PPP2R3A: variants seen among roughly 807,000 people sequenced by gnomAD.
PPP2R3A encodes the protein protein phosphatase 2 regulatory subunit B''alpha, also known as serine/threonine-protein phosphatase 2A regulatory subunit B'' subunit alpha.
A neutral mutation model predicts 106.9 loss-of-function variants in PPP2R3A; 80 were observed. The observed-to-expected ratio is 0.75, with a 90% CI of 0.62 to 0.90. The LOEUF (loss-of-function observed/expected upper bound fraction) is 0.90, where lower values mean the gene tolerates loss of function less well. PPP2R3A is among the 40% of genes least tolerant of loss of function. The probability of loss-of-function intolerance (pLI) is 0.00; values close to 1 mark genes in which losing one functional copy is unlikely to be tolerated. For missense variants in PPP2R3A, 1,386 were observed against 1,350.4 expected, an observed-to-expected ratio of 1.03 and a Z score of -0.41; for synonymous variants, 483 against 468.3, an observed-to-expected ratio of 1.03 and a Z score of -0.41.
At chr3:135,996,529 A>G (rs1445101128) in intron 1 of PPP2R3A, among the ~76,000 whole-genome samples, 1 of 152,252 alleles carries the variant, frequency 6.6e-6, no homozygotes, top group Non-Finnish European at 1.5e-5. Flanking sequence ...GTTAAAGCTT[A>G]TTGCACAAAC....
chr3:136,145,029 CT>C lies in PPP2R3A; in HGVS notation c.3330-11del, dbSNP rs1559946398. 5.6e-6 allele frequency: 9 copies of C among 1,602,914 alleles called. No individual in the cohort carries two copies. In the African/African-American group the frequency reaches 1.1e-4, roughly 19 times the overall value. The stretch of plus-strand genomic sequence containing the variant: ...CAATCAATCAGTTAATTCACTTTTG[CT>C]TTGTTATTTCAGCTTTGAAGATTAT... On this transcript the variant is annotated splice_polypyrimidine_tract_variant and intron_variant, in intron 13 of 13. Coordinates refer to ENST00000264977, the MANE Select transcript of PPP2R3A (RefSeq NM_002718.5).
intron 5 of PPP2R3A, among the ~76,000 whole-genome samples, chr3:136,053,391 A>G (rs1409529139): frequency 1.3e-5 from 2 of 152,196 alleles, no homozygotes; most frequent in Non-Finnish European, 1.5e-5. Flanking sequence ...AAGTGACCAG[A>G]AGTAGGCTAA....
In PPP2R3A at chr3:136,103,367, G is replaced by A. The variant is rs755207842; in HGVS notation, c.3213G>A (p.Ala1071=). The A allele has an allele frequency of 4.1e-5, 65 of 1,581,520 alleles. 1 individual carries two copies. Among genetic ancestry groups the A allele is most frequent in the South Asian group, 2.4e-4 (21 of 89,234 alleles). ...YLDHEQRDPF[A]VQKDVENDGP... is the part of the protein sequence containing the mutation. ...ACCATGAACAGAGAGATCCCTTTGCGGTCCAGAAGGTAACAGTATAATTTT... is the reference window on the plus strand; with the variant it reads ...ACCATGAACAGAGAGATCCCTTTGCAGTCCAGAAGGTAACAGTATAATTTT... Residue 1071 remains alanine (A), a synonymous_variant, in exon 12 of 14, where the codon GCG becomes GCA. Transcript: ENST00000264977.
At chr3:136,108,775 C>T (rs1937554315) in intron 13 of PPP2R3A, among the ~76,000 whole-genome samples, 1 of 151,830 alleles carries the variant, frequency 6.6e-6, no homozygotes, top group South Asian at 2.1e-4. Flanking sequence ...CAGCATGCCT[C>T]AGTAAAATTG....
chr3:135,990,817 T>G (rs1205146833), intron 1 of PPP2R3A, among the ~76,000 whole-genome samples: 10 of 152,050 alleles, frequency 6.6e-5, no homozygotes, highest in Admixed American at 6.6e-4. Flanking sequence ...TCCTCAAGTC[T>G]GCCCTCCACA....
intron 5 of PPP2R3A, among the ~76,000 whole-genome samples, chr3:136,062,840 A>T (rs1376622934): frequency 2.0e-5 from 3 of 152,128 alleles, no homozygotes; most frequent in Non-Finnish European, 4.4e-5. Flanking sequence ...AAATGGCCAT[A>T]TTGCCCATGG....
chr3:136,005,972 A>C (rs776686403), intron 2 of PPP2R3A, among the ~76,000 whole-genome samples: 9 of 152,188 alleles, frequency 5.9e-5, no homozygotes, highest in Non-Finnish European at 1.2e-4. Context: ...AAAAGGAGAC[A>C]AATTCTCTAA....
At chr3:135,985,373 T>A (rs1937596036) in intron 1 of PPP2R3A, among the ~76,000 whole-genome samples, 1 of 123,244 alleles carries the variant, frequency 8.1e-6, no homozygotes, top group South Asian at 3.0e-4. Context: ...CCTCTCTCCC[T>A]TCCTCTCTCC....
intron 3 of PPP2R3A, among the ~76,000 whole-genome samples, chr3:136,032,458 C>T (rs1449004117): frequency 1.3e-5 from 2 of 150,352 alleles, no homozygotes; most frequent in African/African-American, 4.9e-5. Flanking sequence ...TCTGGGTAAA[C>T]GATCATATCA....
intron 5 of PPP2R3A, among the ~76,000 whole-genome samples, chr3:136,058,676 G>A (rs12632791): frequency 0.37 from 55,706 of 151,882 alleles, 11,792 homozygotes; most frequent in African/African-American, 0.59. Context: ...AATATGGAAC[G>A]AAAAAAGAGC....
At chr3:136,137,577 T>A (rs1938675341) in intron 13 of PPP2R3A, among the ~76,000 whole-genome samples, 1 of 128,336 alleles carries the variant, frequency 7.8e-6, no homozygotes, top group Non-Finnish European at 1.6e-5. Context: ...AGGCTCGCTC[T>A]GTCGCCTAGG....
At chr3:135,991,555 A>G (rs1185215070) in intron 1 of PPP2R3A, among the ~76,000 whole-genome samples, 1 of 147,708 alleles carries the variant, frequency 6.8e-6, no homozygotes, top group African/African-American at 2.7e-5. Context: ...TGCATTAAAT[A>G]TTAATAGCCT....
chr3:136,062,700 A>G (rs904322587), intron 5 of PPP2R3A, among the ~76,000 whole-genome samples: 1 of 145,042 alleles, frequency 6.9e-6, no homozygotes, highest in African/African-American at 2.6e-5. Context: ...CCTGGGTGAC[A>G]GAGTGAGACT....
At chr3:136,140,950 C>G (rs531999931) in intron 13 of PPP2R3A, among the ~76,000 whole-genome samples, 2 of 152,304 alleles carry the variant, frequency 1.3e-5, no homozygotes, top group South Asian at 4.1e-4. Flanking sequence ...ATTCTGCACT[C>G]TTACCATTTT....
chr3:136,073,391 G>A (rs551872470), intron 6 of PPP2R3A, among the ~76,000 whole-genome samples: 6 of 152,276 alleles, frequency 3.9e-5, no homozygotes, highest in Admixed American at 3.3e-4. Flanking sequence ...CTACACTGGC[G>A]AATTAATAGA....
At chr3:136,066,354 A>G (rs1302158420) in intron 5 of PPP2R3A, among the ~76,000 whole-genome samples, 1 of 152,228 alleles carries the variant, frequency 6.6e-6, no homozygotes, top group East Asian at 1.9e-4. Context: ...GCAAACAAAT[A>G]TAGCTTCAAG....
At chr3:136,033,925 T>G (rs1018103009) in intron 3 of PPP2R3A, among the ~76,000 whole-genome samples, 2 of 152,062 alleles carry the variant, frequency 1.3e-5, no homozygotes, top group South Asian at 2.1e-4. Flanking sequence ...GGTCATTTCC[T>G]TTCTCCTGCT....
chr3:136,036,065 C>T (rs1321464188), intron 3 of PPP2R3A, among the ~76,000 whole-genome samples: 1 of 151,744 alleles, frequency 6.6e-6, no homozygotes, highest in Non-Finnish European at 1.5e-5. Flanking sequence ...TCCATTGTTT[C>T]CTGAAGTTTT....
intron 7 of PPP2R3A, 120 bp from the exon 8 acceptor site, chr3:136,082,145 C>G (rs1936797460): frequency 1.3e-6 from 1 of 786,544 alleles, no homozygotes; most frequent in Admixed American, 2.9e-5. Context: ...TAAAGGGTTT[C>G]TGATTTGGTA....
Sources: gnomAD v4.1 joint callset for allele counts (sites outside exome capture counted in the v4.1 genomes callset) on GRCh38, gnomAD v4.1.1 for gene constraint, MANE v1.5 for transcripts, NCBI Gene and HGNC (gene_info 2026-07-23, HGNC 2026-07-21) for gene names.